Variants in CEP164 observed in about 807,000 individuals in gnomAD.
CEP164 encodes the protein centrosomal protein of 164 kDa.
Under a neutral mutation model 182.7 loss-of-function variants are expected in CEP164, and 162 were observed. The observed-to-expected ratio is 0.89, with a 90% CI of 0.78 to 1.01. The LOEUF is 1.01. Among genes scored for constraint, CEP164 ranks in the 50% least tolerant of loss-of-function variants. CEP164 has a pLI of 0.00. For missense variants in CEP164, 1,735 were observed against 1,790.4 expected (o/e 0.97, Z 0.56); for synonymous variants, 661 against 690.0 (o/e 0.96, Z 0.66).
chr11:117,364,932 C>A (rs536899716), intron 8 of CEP164, among the ~76,000 whole-genome samples: 1 of 152,106 alleles, frequency 6.6e-6, no homozygotes, highest in African/African-American at 2.4e-5. Flanking sequence ...CTAAGTGTCC[C>A]GTTTTTATTA....
chr11:117,373,240 A>G (rs12788650), intron 9 of CEP164, among the ~76,000 whole-genome samples: 1 of 151,874 alleles, frequency 6.6e-6, no homozygotes, highest in African/African-American at 2.4e-5. Flanking sequence ...GGTGATGCGC[A>G]CCTGTAATCC....
rs1164870102 is a variant in CEP164 at position 117,392,144 on chromosome 11, G to A, written c.2284-82G>A. ...TTGACCCTGATCTCGAGGGCTTGGG[G>A]GTCGGTAGTCTTCCTGGCTCCGCCT... On this transcript the variant is annotated intron_variant, in intron 17 of 32. Transcript: ENST00000278935. 9 of 1,262,298 alleles carry A rather than the reference G, an allele frequency of 7.1e-6. No homozygotes were observed. The African/African-American group carries it at 8.9e-5, about 13-fold the overall frequency. The allele number at this position is 1,262,298 out of a possible 1,614,324, so 78.2% of individuals were successfully genotyped here.
At position 117,411,290 on chromosome 11, in the gene CEP164, T is replaced by A. The variant is rs975710871; in HGVS notation, c.4163+396T>A. 1 of 244,922 alleles carries A rather than the reference T, an allele frequency of 4.1e-6. No individual in the cohort carries two copies. Among genetic ancestry groups the A allele is most frequent in the African/African-American group, 2.2e-5 (1 of 45,700 alleles). The allele number at this position is 244,922 out of a possible 1,614,324, so 15.2% of individuals were successfully genotyped here. A position where few individuals can be genotyped will look rare whatever the true frequency, so the allele number is the denominator to read the frequency against. The stretch of plus-strand genomic sequence containing the variant: ...TGTTTGCTTCCTGTGGCTCCCTTAT[T>A]CCCCCAGTCCTGCTGAGCAACATCT... On this transcript the variant is annotated intron_variant, in intron 31 of 32. Transcript: ENST00000278935. This position sits in a 1 kb window ranked among gnomAD's most constrained non-coding sequence, Gnocchi z 4.4.
At chr11:117,367,353 C>T (rs1290266634) in intron 8 of CEP164, among the ~76,000 whole-genome samples, 2 of 152,230 alleles carry the variant, frequency 1.3e-5, no homozygotes, top group Non-Finnish European at 2.9e-5. Context: ...AATGCAAGGT[C>T]ATTCATTTTA....
intron 5 of CEP164, among the ~76,000 whole-genome samples, chr11:117,360,239 C>A (rs2040778502): frequency 6.6e-6 from 1 of 152,284 alleles, no homozygotes; most frequent in East Asian, 1.9e-4. Flanking sequence ...GTGGTTCTAT[C>A]TCACTATAAC....
chr11:117,356,667 G>T, intron 5 of CEP164: 1 of 1,223,006 alleles, frequency 8.2e-7, no homozygotes. Flanking sequence ...GGCAGGGAGG[G>T]AGCAGGTGGA....
At chr11:117,410,771 G>C in intron 30 of CEP164, 57 bp from the exon 31 acceptor site, 1 of 1,459,098 alleles carries the variant, frequency 6.9e-7, no homozygotes, top group South Asian at 1.2e-5. Context: ...AAGAGGTGCT[G>C]GTGGGCAGGG....
rs2047347606 is a variant in CEP164, at chr11:117,411,442, G to A, written c.4164-353G>A. 1 of 297,240 alleles carries A rather than the reference G, an allele frequency of 3.4e-6. No homozygotes were observed. Among genetic ancestry groups the A allele is most frequent in the Non-Finnish European group, 6.4e-6 (1 of 156,226 alleles). 18.4% of individuals were successfully genotyped at this position (297,240 alleles called of 1,614,324 possible). On this transcript the variant is annotated intron_variant, in intron 31 of 32. Transcript: ENST00000278935. This position sits in a 1 kb window ranked among gnomAD's most constrained non-coding sequence, Gnocchi z 4.4. ...CCCTCCCTTAGGCAGCTAACAGTGA[G>A]TACCCCCCACTAACCCTTTGGCCAA... is the stretch of plus-strand genomic sequence containing the variant.
Position 117,361,839 on chromosome 11 carries a change from T to C in CEP164, c.398T>C (p.Leu133Ser). Residue 133 changes from leucine (L) to serine (S), a missense_variant, in exon 6 of 33, where the codon TTG becomes TCG. Coordinates refer to ENST00000278935, the MANE Select transcript of CEP164 (RefSeq NM_014956.5). ...DRDPPKSSLA[L>S]GSSLAPVHVP... The stretch of plus-strand genomic sequence containing the variant: ...AAGATGTTTTCTGTTGCACAGGCCT[T>C]GGGTTCCTCATTAGCCCCAGTTCAT... The C allele has an allele frequency of 6.2e-7, 1 of 1,614,242 alleles. No homozygotes were observed.
At chr11:117,372,894 G>A (rs867500902) in intron 9 of CEP164, among the ~76,000 whole-genome samples, 6 of 152,286 alleles carry the variant, frequency 3.9e-5, no homozygotes, top group Non-Finnish European at 8.8e-5. Flanking sequence ...GACCCTTCTC[G>A]TCCATTTTTG....
rs760703377 is a variant in CEP164, at chr11:117,371,580, C to T, written c.1152+114C>T. 1.1e-4 allele frequency: 143 copies of T among 1,302,360 alleles called. 2 individuals carry two copies. Among genetic ancestry groups the T allele is most frequent in the Middle Eastern group, 2.7e-4 (1 of 3,640 alleles). 80.7% of individuals were successfully genotyped at this position (1,302,360 alleles called of 1,614,324 possible). ...ATTACTGAGTCAGGAGCTTCATTTGCGTGTCCCTGCACTGGGCTGTCAGCA... is the reference window on the plus strand; with the variant it reads ...ATTACTGAGTCAGGAGCTTCATTTGTGTGTCCCTGCACTGGGCTGTCAGCA... On this transcript the variant is annotated intron_variant, in intron 9 of 32. Transcript: ENST00000278935.
At chr11:117,353,547 C>T (rs973267630) in intron 5 of CEP164, among the ~76,000 whole-genome samples, 6 of 152,074 alleles carry the variant, frequency 3.9e-5, no homozygotes, top group East Asian at 3.9e-4. Context: ...GGTAAAGGAC[C>T]GAGATGTAGA....
intron 3 of CEP164, among the ~76,000 whole-genome samples, chr11:117,343,906 G>A (rs2038499634): frequency 6.6e-6 from 1 of 152,134 alleles, no homozygotes; most frequent in South Asian, 2.1e-4. Flanking sequence ...TGAGATTACA[G>A]GCATGAGCCA....
chr11:117,387,141 CTGGATGCAGAGGTGGG>C (rs745977214), intron 14 of CEP164, 46 bp from the exon 15 acceptor site: 1 of 1,414,892 alleles, frequency 7.1e-7, no homozygotes, highest in South Asian at 1.2e-5. Flanking sequence ...CCATTCTAAC[CTGGATGCAGAGGTGGG>C]TGGACATTAA....
At position 117,351,720 on chromosome 11, in the gene CEP164, T is replaced by G; in HGVS notation, c.195-70T>G. 2.7e-6 allele frequency: 4 copies of G among 1,467,998 alleles called. No individual in the cohort carries two copies. In the East Asian group the frequency reaches 9.1e-5, roughly 33 times the overall value. 90.9% of individuals were successfully genotyped at this position (1,467,998 alleles called of 1,614,324 possible). A position where few individuals can be genotyped will look rare whatever the true frequency, so the allele number is the denominator to read the frequency against. ...TTCACCTCCTCTCCCTTTTTCTTTT[T>G]TTCCCCTCTTTTTTTTTTCTTCTTT... On this transcript the variant is annotated intron_variant, in intron 4 of 32. Transcript: ENST00000278935.
chr11:117,390,791 G>A lies in CEP164; in HGVS notation c.1949G>A (p.Arg650Gln), dbSNP rs763682853. Reference sequence around the variant, plus strand: ...TTCCATCTCAGTTCCTTGAGGGAGCGGCTGCAGAAAGCCATTGAGGAGGAG... The same window carrying A: ...TTCCATCTCAGTTCCTTGAGGGAGCAGCTGCAGAAAGCCATTGAGGAGGAG... ...KEQSLSSLRE[R>Q]LQKAIEEEEA... is the part of the protein sequence containing the mutation. The change falls in exon 16 of 33, where the codon CGG becomes CAG. Residue 650 changes from arginine to glutamine, a missense_variant. By Grantham distance (43) the Arg-to-Gln change is conservative (BLOSUM62 1). Coordinates refer to ENST00000278935, the MANE Select transcript of CEP164 (RefSeq NM_014956.5). 2.3e-5 allele frequency: 37 copies of A among 1,613,770 alleles called. No individual in the cohort carries two copies. Among genetic ancestry groups the A allele is most frequent in the Non-Finnish European group, 2.7e-5 (32 of 1,179,990 alleles).
chr11:117,375,635 G>T lies in CEP164; in HGVS notation c.1234-73G>T, dbSNP rs1460399624. On this transcript the variant is annotated intron_variant, in intron 10 of 32. Transcript: ENST00000278935. ...ACATCTTTCTGGAAAGTGGAGTTGG[G>T]GTAGTGAAGAGGCCTGGTGGGTGTT... The T allele has an allele frequency of 6.6e-6, 8 of 1,204,360 alleles. No individual in the cohort carries two copies. In the Admixed American group the frequency reaches 1.4e-4, roughly 21 times the overall value. The allele number at this position is 1,204,360 out of a possible 1,614,324, so 74.6% of individuals were successfully genotyped here.
intron 4 of CEP164, among the ~76,000 whole-genome samples, chr11:117,346,529 T>C (rs1214172163): frequency 6.6e-6 from 1 of 151,222 alleles, no homozygotes; most frequent in East Asian, 2.0e-4. Flanking sequence ...AGTGCTGGGA[T>C]TACAGGCGTG....
intron 12 of CEP164, among the ~76,000 whole-genome samples, chr11:117,380,972 C>T (rs927761634): frequency 6.6e-6 from 1 of 152,178 alleles, no homozygotes; most frequent in African/African-American, 2.4e-5. Flanking sequence ...TGAAGTGCCA[C>T]TGGGTACAAT....
Sources: allele counts gnomAD v4.1 joint callset (sites outside exome capture counted in the v4.1 genomes callset), GRCh38; gene constraint gnomAD v4.1.1; non-coding constraint Gnocchi (gnomAD v3.1); transcripts MANE v1.5; gene names NCBI Gene and HGNC (gene_info 2026-07-23, HGNC 2026-07-21).